GLIS3: variants seen among roughly 807,000 people sequenced by gnomAD.
GLIS3 encodes the protein zinc finger protein GLIS3.
GLIS3 carries 53 observed loss-of-function variants against 78.6 expected under a neutral mutation model. That is an observed-to-expected ratio of 0.67 (90% confidence interval 0.54 to 0.85). The LOEUF is 0.85. Ranked by LOEUF, GLIS3 falls within the 40% of genes least tolerant of loss-of-function variation. The probability of loss-of-function intolerance (pLI) is 0.00; values close to 1 mark genes in which losing one functional copy is unlikely to be tolerated. For missense variants in GLIS3, 1,703 were observed against 1,231.1 expected, an observed-to-expected ratio of 1.38 and a Z score of -5.74; for synonymous variants, 684 against 509.9, an observed-to-expected ratio of 1.34 and a Z score of -4.60.
chr9:3,840,573 C>G (rs1052964657), intron 9 of GLIS3, among the ~76,000 whole-genome samples: 1 of 152,300 alleles, frequency 6.6e-6, no homozygotes, highest in African/African-American at 2.4e-5. Flanking sequence ...TAAGCAACTA[C>G]TCTACTAAGA....
intron 4 of GLIS3, among the ~76,000 whole-genome samples, chr9:3,996,225 T>C (rs927413591): frequency 1.3e-5 from 2 of 151,926 alleles, no homozygotes; most frequent in Non-Finnish European, 2.9e-5. Flanking sequence ...AACTGACAGA[T>C]CCTCACTAAA....
the GLIS3 span, among the ~76,000 whole-genome samples, chr9:4,427,713 G>C: frequency 1.3e-5 from 2 of 151,980 alleles, no homozygotes; most frequent in African/African-American, 4.8e-5. Flanking sequence ...ACAAAAAGTA[G>C]CCAGGTGTGG....
intron 4 of GLIS3, among the ~76,000 whole-genome samples, chr9:4,092,406 C>G (rs1281821614): frequency 1.3e-5 from 2 of 152,070 alleles, no homozygotes; most frequent in Admixed American, 1.3e-4. Context: ...CCTGCCTCAG[C>G]CTCCCAATAA....
intron 4 of GLIS3, among the ~76,000 whole-genome samples, chr9:4,031,833 C>T (rs968935645): frequency 5.3e-5 from 8 of 152,108 alleles, no homozygotes; most frequent in African/African-American, 1.7e-4. Flanking sequence ...CTCTCTTTGG[C>T]GATACAATAA....
intron 2 of GLIS3, chr9:4,285,490 T>C (rs1166427037): frequency 6.6e-6 from 1 of 152,368 alleles, no homozygotes; most frequent in Admixed American, 6.5e-5. Flanking sequence ...ACTAGCTATA[T>C]GATAAAAATT....
At chr9:4,152,133 A>G (rs1418488117) in intron 2 of GLIS3, 1 of 983,864 alleles carries the variant, frequency 1.0e-6, no homozygotes, top group East Asian at 1.1e-4. Flanking sequence ...TTGCCACTTC[A>G]GCAGCTGATG....
intron 2 of GLIS3, chr9:4,144,873 T>A (rs1834090060): frequency 6.6e-6 from 1 of 152,212 alleles, no homozygotes; most frequent in Non-Finnish European, 1.5e-5. Context: ...TTCTGGGAAA[T>A]ATTTAAGCAA....
rs898974507 is a variant in GLIS3, at chr9:3,964,913, A to G, written c.1711-27724T>C. ...CTGAACTAAGAAAATCTCCAGCAGG[A>G]CATGGAGCTAAGGGTATTGTTGCCT... On this transcript the variant is annotated intron_variant, in intron 4 of 10. Transcript: ENST00000381971. 3.9e-5 allele frequency among the ~76,000 whole-genome samples: 6 copies of G among 152,186 alleles called. No individual in the cohort carries two copies. In the East Asian group the frequency reaches 9.6e-4, roughly 24 times the overall value.
the GLIS3 span, among the ~76,000 whole-genome samples, chr9:4,405,734 C>T: frequency 3.3e-5 from 5 of 152,064 alleles, no homozygotes; most frequent in African/African-American, 1.2e-4. Context: ...GCCAGTATTA[C>T]CCTGATACCA....
chr9:3,974,096 A>G (rs1038833611), intron 4 of GLIS3, among the ~76,000 whole-genome samples: 12 of 152,186 alleles, frequency 7.9e-5, no homozygotes, highest in South Asian at 2.1e-4. Flanking sequence ...TGAGATGTGT[A>G]AAGCTCTTCA....
At chr9:4,285,959 A>G in intron 2 of GLIS3, 79 bp downstream of exon 2, 1 of 1,521,238 alleles carries the variant, frequency 6.6e-7, no homozygotes, top group Non-Finnish European at 9.1e-7. Flanking sequence ...ATTTTTCCAT[A>G]GGATTTGCTG....
intron 4 of GLIS3, among the ~76,000 whole-genome samples, chr9:3,973,808 C>T (rs1818562724): frequency 6.6e-6 from 1 of 152,026 alleles, no homozygotes; most frequent in African/African-American, 2.4e-5. Flanking sequence ...AAAATACACA[C>T]CATTTCAAAC....
chr9:4,046,756 T>C (rs1431995207), intron 4 of GLIS3, among the ~76,000 whole-genome samples: 1 of 152,198 alleles, frequency 6.6e-6, no homozygotes, highest in African/African-American at 2.4e-5. Context: ...TTGTATTATA[T>C]GAAGAATGGC....
Position 4,039,782 on chromosome 9 carries a change from A to G in GLIS3, c.1710+77986T>C, listed in dbSNP as rs145729643. ...TCTGGGAGATGTTGAGTGTTTTTCA[A>G]TGACTACTACAGTATAATGTCACAA... On this transcript the variant is annotated intron_variant, in intron 4 of 10. Coordinates refer to ENST00000381971, the MANE Select transcript of GLIS3 (RefSeq NM_001042413.2). 7.9e-5 allele frequency among the ~76,000 whole-genome samples: 12 copies of G among 152,334 alleles called. No homozygotes were observed. In the East Asian group the frequency reaches 1.7e-3, roughly 22 times the overall value.
chr9:3,981,395 T>G (rs1481396713), intron 4 of GLIS3, among the ~76,000 whole-genome samples: 1 of 152,200 alleles, frequency 6.6e-6, no homozygotes, highest in Non-Finnish European at 1.5e-5. Flanking sequence ...AAGGCTGTAA[T>G]TTAGACCTTG....
chr9:3,926,387 C>A (rs957135863), intron 6 of GLIS3, among the ~76,000 whole-genome samples: 4 of 151,408 alleles, frequency 2.6e-5, no homozygotes, highest in Non-Finnish European at 5.9e-5. Flanking sequence ...CCAGCCACCA[C>A]GCCTGGCTAA....
intron 4 of GLIS3, among the ~76,000 whole-genome samples, chr9:4,019,289 T>C (rs1392022047): frequency 6.6e-6 from 1 of 152,124 alleles, no homozygotes; most frequent in Admixed American, 6.5e-5. Context: ...TAGAAGGTAA[T>C]GGTGGCCCAG....
intron 4 of GLIS3, among the ~76,000 whole-genome samples, chr9:4,102,220 T>C (rs535389325): frequency 6.6e-6 from 1 of 152,338 alleles, no homozygotes; most frequent in South Asian, 2.1e-4. Flanking sequence ...ACAGTTTACA[T>C]TCCTTCCTAC....
At chr9:3,951,174 G>A (rs188149986) in intron 4 of GLIS3, among the ~76,000 whole-genome samples, 1 of 152,244 alleles carries the variant, frequency 6.6e-6, no homozygotes, top group East Asian at 1.9e-4. Flanking sequence ...AATACATATG[G>A]TGCAATTACA....
Sources: allele counts gnomAD v4.1 joint callset (sites outside exome capture counted in the v4.1 genomes callset), GRCh38; gene constraint gnomAD v4.1.1; transcripts MANE v1.5; gene names NCBI Gene and HGNC (gene_info 2026-07-23, HGNC 2026-07-21).